The following NELL2 variants were observed in gnomAD, a reference collection of about 807,000 sequenced individuals.
NELL2 encodes the protein protein kinase C-binding protein NELL2.
NELL2 carries 41 observed loss-of-function variants against 109.6 expected under a neutral mutation model. The ratio of observed to expected loss-of-function variants is 0.37; its 90% CI spans 0.29 to 0.49. The LOEUF is 0.49. NELL2 is among the 20% of genes least tolerant of loss of function. NELL2 has a pLI of 0.98. For synonymous variants in NELL2, 355 were observed against 344.7 expected (o/e 1.03, Z -0.33); for missense variants, 900 against 1,008.3 (o/e 0.89, Z 1.45).
chr12:44,902,526 T>A (rs1328249457), intron 1 of NELL2, among the ~76,000 whole-genome samples: 1 of 152,192 alleles, frequency 6.6e-6, no homozygotes, highest in South Asian at 2.1e-4. Flanking sequence ...TACCATTGAC[T>A]TTCTTCACAG....
intron 3 of NELL2, among the ~76,000 whole-genome samples, chr12:44,801,848 C>T (rs1942840037): frequency 6.6e-6 from 1 of 151,818 alleles, no homozygotes; most frequent in East Asian, 1.9e-4. Flanking sequence ...ATTTAGTTGG[C>T]AAATATTTAT....
intron 12 of NELL2, among the ~76,000 whole-genome samples, chr12:44,690,292 C>T (rs1472907645): frequency 1.3e-5 from 2 of 152,106 alleles, no homozygotes; most frequent in Non-Finnish European, 2.9e-5. Flanking sequence ...TCCAGTTGAG[C>T]ATATAGCTGA....
chr12:44,559,910 T>C (rs544052528), intron 15 of NELL2, among the ~76,000 whole-genome samples: 57 of 152,236 alleles, frequency 3.7e-4, no homozygotes, highest in African/African-American at 1.3e-3. Context: ...TATTCTAAAA[T>C]TGACCACATA....
chr12:44,919,911 A>G (rs1242529082), intron 1 of NELL2, among the ~76,000 whole-genome samples: 1 of 152,232 alleles, frequency 6.6e-6, no homozygotes, highest in Non-Finnish European at 1.5e-5. Flanking sequence ...CATGCAAAAA[A>G]GATAGAAAAT....
Position 44,756,010 on chromosome 12 carries a change from T to C in NELL2, c.994+18737A>G, listed in dbSNP as rs150883362. 7.4e-4 allele frequency among the ~76,000 whole-genome samples: 113 copies of C among 152,296 alleles called. 2 individuals carry two copies. The highest frequency in any genetic ancestry group is 4.8e-3 in the East Asian group (25 of 5,172). The stretch of plus-strand genomic sequence containing the variant: ...TTCATGGGCTGTTTTCGGTACACTG[T>C]TAACTTCACCTGTGACTCTGCCTCT... On this transcript the variant is annotated intron_variant, in intron 9 of 19. Transcript: ENST00000429094.
At chr12:44,541,304 A>G (rs2859835) in intron 15 of NELL2, among the ~76,000 whole-genome samples, 84,050 of 147,966 alleles carry the variant, frequency 0.57, 24,199 homozygotes, top group East Asian at 0.72. Flanking sequence ...ACAGAACAGA[A>G]CCAAAAATAT....
chr12:44,876,224 A>T lies in NELL2; in HGVS notation c.-355T>A, dbSNP rs1232770916. ...GCCAAAGACTCGCACACCCGGTAGA[A>T]GGGGGGCGGCCCCAAGAAAGCCCGG... On this transcript the variant is annotated 5_prime_UTR_variant, in exon 1 of 20. Transcript: ENST00000429094. 2 of 1,173,082 alleles carry T rather than the reference A, an allele frequency of 1.7e-6. No individual in the cohort carries two copies. The highest frequency in any genetic ancestry group is 3.2e-5 in the African/African-American group (2 of 63,370). The allele number at this position is 1,173,082 out of a possible 1,614,324, so 72.7% of individuals were successfully genotyped here. A position where few individuals can be genotyped will look rare whatever the true frequency, so the allele number is the denominator to read the frequency against.
intron 9 of NELL2, among the ~76,000 whole-genome samples, chr12:44,737,124 A>C (rs1301071723): frequency 6.6e-6 from 1 of 152,084 alleles, no homozygotes; most frequent in African/African-American, 2.4e-5. Flanking sequence ...CAAAATAAAT[A>C]CCACATACTA....
intron 2 of NELL2, among the ~76,000 whole-genome samples, chr12:44,864,242 T>C (rs1344375863): frequency 6.6e-6 from 1 of 152,124 alleles, no homozygotes; most frequent in Non-Finnish European, 1.5e-5. Context: ...AGCAAATGGA[T>C]TAAATCCTGC....
At chr12:44,710,346 T>C (rs1338063048) in intron 11 of NELL2, among the ~76,000 whole-genome samples, 1 of 152,158 alleles carries the variant, frequency 6.6e-6, no homozygotes, top group Non-Finnish European at 1.5e-5. Flanking sequence ...TTGGGGCAGT[T>C]TGTTATACAG....
At chr12:44,550,574 A>AATAG (rs1188201580) in intron 15 of NELL2, among the ~76,000 whole-genome samples, 4 of 150,034 alleles carry the variant, frequency 2.7e-5, no homozygotes, top group African/African-American at 1.0e-4. Context: ...TAAATAAATA[A>AATAG]ATAAATAAAT....
chr12:44,542,110 G>A (rs976927832), intron 15 of NELL2, among the ~76,000 whole-genome samples: 3 of 152,088 alleles, frequency 2.0e-5, no homozygotes, highest in Non-Finnish European at 2.9e-5. Context: ...TATGTTCCAT[G>A]CATTATTTAA....
intron 12 of NELL2, among the ~76,000 whole-genome samples, chr12:44,672,540 T>A (rs1016148548): frequency 5.9e-5 from 9 of 152,212 alleles, no homozygotes; most frequent in Admixed American, 1.3e-4. Flanking sequence ...CTACCATAGA[T>A]GTAGCCTACC....
chr12:44,703,599 T>C, intron 12 of NELL2, 127 bp downstream of exon 12: 1 of 954,338 alleles, frequency 1.0e-6, no homozygotes, highest in Non-Finnish European at 1.6e-6. Flanking sequence ...CTGATTAATA[T>C]GCTTCAAATT....
chr12:44,801,414 T>C lies in NELL2; in HGVS notation c.335+14572A>G, dbSNP rs75901344. Among the ~76,000 whole-genome samples, 150 of 152,206 alleles carry C rather than the reference T, an allele frequency of 9.9e-4. 6 individuals are homozygous for C. In the East Asian group the frequency reaches 0.028, roughly 29 times the overall value. ...TTATCTTCAAACCACTATAGAACAATAGTGCTATCTGGTCATTAGAGTTTT... is the reference window on the plus strand; with the variant it reads ...TTATCTTCAAACCACTATAGAACAACAGTGCTATCTGGTCATTAGAGTTTT... On this transcript the variant is annotated intron_variant, in intron 3 of 19. Coordinates refer to ENST00000429094, the MANE Select transcript of NELL2 (RefSeq NM_001145108.2).
chr12:44,784,932 A>G (rs1189012586), intron 3 of NELL2, among the ~76,000 whole-genome samples: 4 of 152,234 alleles, frequency 2.6e-5, no homozygotes, highest in African/African-American at 4.8e-5. Flanking sequence ...ATCATATTGA[A>G]TGGGCAAAAG....
chr12:44,842,109 G>GAGGGAGGGAGGGAGGGGGGAAGGA (rs1405942738), intron 2 of NELL2, among the ~76,000 whole-genome samples: 1 of 38,714 alleles, frequency 2.6e-5, no homozygotes, highest in African/African-American at 1.1e-4. Context: ...GGGAGGGAGG[G>GAGGGAGGGAGGGAGGGGGGAAGGA]AGGAAGGAAG....
At chr12:44,644,582 A>ATATATATATATATATATATGTATGTG (rs1946991526) in intron 13 of NELL2, among the ~76,000 whole-genome samples, 1 of 68,422 alleles carries the variant, frequency 1.5e-5, no homozygotes, top group African/African-American at 8.7e-5. Context: ...AAAGTAAAGT[A>ATATATATATATATATATATGTATGTG]TATATATATA....
At chr12:44,689,725 C>T (rs1323155759) in intron 12 of NELL2, among the ~76,000 whole-genome samples, 1 of 152,188 alleles carries the variant, frequency 6.6e-6, no homozygotes, top group Admixed American at 6.5e-5. Flanking sequence ...GCAATGTCTA[C>T]AAACATTTTT....
Sources: allele counts gnomAD v4.1 joint callset (sites outside exome capture counted in the v4.1 genomes callset), GRCh38; gene constraint gnomAD v4.1.1; transcripts MANE v1.5; gene names NCBI Gene and HGNC (gene_info 2026-07-23, HGNC 2026-07-21).